Variants in ADAM32 observed in about 807,000 individuals in gnomAD.
The protein encoded by ADAM32 is disintegrin and metalloproteinase domain-containing protein 32.
ADAM32 carries 89 observed loss-of-function variants against 114.9 expected under a neutral mutation model. That is an observed-to-expected ratio of 0.77 (90% CI 0.65 to 0.92). The LOEUF is 0.92. ADAM32 is among the 40% of genes least tolerant of loss of function. ADAM32 has a pLI of 0.00. For synonymous variants in ADAM32, 285 were observed against 307.5 expected (o/e 0.93, Z 0.77); for missense variants, 870 against 932.8 (o/e 0.93, Z 0.88).
At position 39,257,338 on chromosome 8, in the gene ADAM32, T is replaced by C; in HGVS notation, c.2157T>C (p.Ser719=). 1 of 1,613,032 alleles carries C rather than the reference T, an allele frequency of 6.2e-7. No homozygotes were observed. The highest frequency in any genetic ancestry group is 8.5e-7 in the Non-Finnish European group (1 of 1,179,308). The change falls in exon 19 of 25, where the codon AGT becomes AGC. Residue 719 remains serine (S), a synonymous_variant. Coordinates refer to ENST00000379907, the MANE Select transcript of ADAM32 (RefSeq NM_145004.7). ...KWFAKEEEFP[S]SESKSEGSTQ... ...TCGCCAAGGAAGAGGAATTCCCAAG[T>C]AGCGAGTAAATTGCATTTGTGTTCT...
Position 39,280,279 on chromosome 8 carries a change from AT to A in ADAM32, c.2280-848del, listed in dbSNP as rs111690903. Among the ~76,000 whole-genome samples the A allele has an allele frequency of 4.0e-5, 6 of 151,456 alleles. No homozygotes were observed. In the East Asian group the frequency reaches 5.8e-4, roughly 15 times the overall value. Reference sequence around the variant, plus strand: ...TGTTTTCCCTCTGAGCTTCTAATTTATTTTTTTTTAAATGGTAGAAGGAAAA... The same window carrying A: ...TGTTTTCCCTCTGAGCTTCTAATTTATTTTTTTTAAATGGTAGAAGGAAAA... On this transcript the variant is annotated intron_variant, in intron 22 of 24. Coordinates refer to ENST00000379907, the MANE Select transcript of ADAM32 (RefSeq NM_145004.7).
chr8:39,129,960 T>A (rs1802342214), intron 2 of ADAM32: 2 of 369,976 alleles, frequency 5.4e-6, no homozygotes, highest in Non-Finnish European at 1.1e-5. Context: ...ATTTCCTTTT[T>A]TTTTTTTTTT....
chr8:39,252,273 G>A (rs1811355369), intron 17 of ADAM32, among the ~76,000 whole-genome samples: 1 of 151,524 alleles, frequency 6.6e-6, no homozygotes, highest in Admixed American at 6.6e-5. Context: ...ACACTAGATT[G>A]AAGCTAGAAG....
intron 11 of ADAM32, among the ~76,000 whole-genome samples, chr8:39,194,280 G>A (rs1011476712): frequency 1.3e-5 from 2 of 152,124 alleles, no homozygotes; most frequent in South Asian, 2.1e-4. Flanking sequence ...CTAGTTTTAC[G>A]CTGATGTCAG....
At chr8:39,281,255 G>T (rs1026910010) in intron 23 of ADAM32, 81 bp downstream of exon 23, 2 of 846,772 alleles carry the variant, frequency 2.4e-6, no homozygotes, top group Non-Finnish European at 3.3e-6. Flanking sequence ...ACAAATAATT[G>T]CTCAACATTT....
rs374929738 is a variant in ADAM32, at chr8:39,147,179, A to G, written c.250A>G (p.Met84Val). 1.5e-5 allele frequency: 15 copies of G among 1,020,628 alleles called. No homozygotes were observed. Among genetic ancestry groups the G allele is most frequent in the Admixed American group, 3.8e-5 (1 of 26,104 alleles). The allele number at this position is 1,020,628 out of a possible 1,614,324, so 63.2% of individuals were successfully genotyped here. ...GATCTATTTGTACAATCAAGGATCTATGAATACTTATTCTTCAGATATTCA... is the reference window on the plus strand; with the variant it reads ...GATCTATTTGTACAATCAAGGATCTGTGAATACTTATTCTTCAGATATTCA... ...FMIYLYNQGS[M>V]NTYSSDIQTQ... The change falls in exon 4 of 25, where the codon ATG becomes GTG. Residue 84 changes from methionine to valine, a missense_variant. Physicochemically the swap from Met to Val is conservative, Grantham distance 21. Transcript: ENST00000379907.
rs188083430 is a variant in ADAM32 at position 39,183,255 on chromosome 8, A to G, written c.916-3654A>G. On this transcript the variant is annotated intron_variant, in intron 10 of 24. Transcript: ENST00000379907. ...GCTGATCACTGTGAGCCCCACCACT[A>G]TTTTTCATCTCCAACTGACCCAGAT... is the stretch of plus-strand genomic sequence containing the variant. Among the ~76,000 whole-genome samples the G allele has an allele frequency of 2.0e-5, 3 of 152,128 alleles. No homozygotes were observed. The East Asian group carries it at 5.8e-4, about 29-fold the overall frequency.
chr8:39,279,028 C>T (rs1003575392), intron 22 of ADAM32, among the ~76,000 whole-genome samples: 1 of 152,014 alleles, frequency 6.6e-6, no homozygotes, highest in Non-Finnish European at 1.5e-5. Flanking sequence ...TGTGCTTTTT[C>T]TAGGTGGCTT....
chr8:39,261,842 G>T (rs980170702), intron 19 of ADAM32, among the ~76,000 whole-genome samples: 6 of 151,958 alleles, frequency 3.9e-5, no homozygotes, highest in Non-Finnish European at 8.8e-5. Context: ...GGCCATTTGT[G>T]TGTCTTCTTT....
intron 16 of ADAM32, among the ~76,000 whole-genome samples, chr8:39,238,838 A>G (rs776483597): frequency 9.2e-5 from 14 of 152,072 alleles, no homozygotes; most frequent in Non-Finnish European, 1.9e-4. Flanking sequence ...CTTTAACACA[A>G]GGCTTTGGAA....
In ADAM32 at chr8:39,260,594, A is replaced by G. The variant is rs151210296; in HGVS notation, c.2162+3251A>G. ...TTTCAACCATCCTTGCATCACAAAT[A>G]TAAATCCCACTTGATCATGGTGTAT... is the stretch of plus-strand genomic sequence containing the variant. On this transcript the variant is annotated intron_variant, in intron 19 of 24. Transcript: ENST00000379907. 1.8e-3 allele frequency among the ~76,000 whole-genome samples: 274 copies of G among 152,294 alleles called. 1 individual carries two copies. The highest frequency in any genetic ancestry group is 6.4e-3 in the African/African-American group (265 of 41,580).
intron 19 of ADAM32, among the ~76,000 whole-genome samples, chr8:39,264,312 C>T (rs554933045): frequency 2.0e-5 from 3 of 152,194 alleles, no homozygotes; most frequent in African/African-American, 7.2e-5. Flanking sequence ...AGGTATTCAT[C>T]TATTTCTTCT....
At chr8:39,246,598 A>AT (rs1187048984) in intron 17 of ADAM32, among the ~76,000 whole-genome samples, 1 of 152,118 alleles carries the variant, frequency 6.6e-6, no homozygotes, top group Non-Finnish European at 1.5e-5. Flanking sequence ...AAGTACAGAG[A>AT]TTTTCCATAT....
intron 3 of ADAM32, among the ~76,000 whole-genome samples, chr8:39,142,024 C>CT (rs1478240212): frequency 3.9e-4 from 60 of 152,078 alleles, no homozygotes; most frequent in African/African-American, 1.3e-3. Context: ...CCTTCTTTTT[C>CT]TTTTTTTGTT....
At chr8:39,210,605 C>A (rs1431414902) in intron 11 of ADAM32, among the ~76,000 whole-genome samples, 1 of 152,174 alleles carries the variant, frequency 6.6e-6, no homozygotes, top group African/African-American at 2.4e-5. Flanking sequence ...CTCAATAAAT[C>A]TCAGTTTCTT....
Position 39,180,511 on chromosome 8 carries a change from C to T in ADAM32, c.916-6398C>T, listed in dbSNP as rs116326886. ...TCGACCACCCGAGGGCTGAGGAGTA[C>T]GAGCACATGGCGCGGGACTGGCAGG... On this transcript the variant is annotated intron_variant, in intron 10 of 24. Transcript: ENST00000379907. 9.0e-3 allele frequency among the ~76,000 whole-genome samples: 1,371 copies of T among 152,346 alleles called. 27 individuals carry two copies. The highest frequency in any genetic ancestry group is 0.031 in the African/African-American group (1,309 of 41,584).
At chr8:39,226,536 A>G (rs1014810887) in intron 14 of ADAM32, among the ~76,000 whole-genome samples, 5 of 151,574 alleles carry the variant, frequency 3.3e-5, no homozygotes, top group Non-Finnish European at 5.9e-5. Context: ...GAAGCAAGAG[A>G]AAAAAAAAGA....
chr8:39,194,003 A>T (rs6474115), intron 11 of ADAM32, among the ~76,000 whole-genome samples: 1 of 152,176 alleles, frequency 6.6e-6, no homozygotes, highest in South Asian at 2.1e-4. Flanking sequence ...CGGTGGCGGC[A>T]CAGTGGGGTG....
At chr8:39,250,407 G>T (rs918119042) in intron 17 of ADAM32, among the ~76,000 whole-genome samples, 1 of 151,450 alleles carries the variant, frequency 6.6e-6, no homozygotes, top group South Asian at 2.1e-4. Context: ...CAGTGTTTTT[G>T]ATCTCTAGTA....
Sources: gnomAD v4.1 joint callset for allele counts (sites outside exome capture counted in the v4.1 genomes callset) on GRCh38, gnomAD v4.1.1 for gene constraint, MANE v1.5 for transcripts, NCBI Gene and HGNC (gene_info 2026-07-23, HGNC 2026-07-21) for gene names.